The following GABRG3 variants were observed in gnomAD, a reference collection of about 807,000 sequenced individuals.
The protein encoded by GABRG3 is gamma-aminobutyric acid receptor subunit gamma-3.
Under a neutral mutation model 48.8 loss-of-function variants are expected in GABRG3, and 25 were observed. The observed-to-expected ratio is 0.51, with a 90% CI of 0.37 to 0.72. The LOEUF (loss-of-function observed/expected upper bound fraction) is 0.72, where lower values mean the gene tolerates loss of function less well. Among genes scored for constraint, GABRG3 ranks in the 30% least tolerant of loss-of-function variants. The pLI, the probability that GABRG3 is intolerant of heterozygous loss-of-function variation, is 0.00. For synonymous variants in GABRG3, 227 were observed against 217.6 expected, an observed-to-expected ratio of 1.04 and a Z score of -0.38; for missense variants, 394 against 577.9, an observed-to-expected ratio of 0.68 and a Z score of 3.26.
chr15:27,106,870 G>A (rs1037870168), intron 3 of GABRG3, among the ~76,000 whole-genome samples: 3 of 152,050 alleles, frequency 2.0e-5, no homozygotes, highest in Admixed American at 1.3e-4. Flanking sequence ...ACTCTATCAG[G>A]GTTCAATAAA....
At chr15:27,262,768 GTC>G (rs1414483218) in intron 3 of GABRG3, among the ~76,000 whole-genome samples, 1 of 152,158 alleles carries the variant, frequency 6.6e-6, no homozygotes, top group Admixed American at 6.5e-5. Context: ...TATATGCCTT[GTC>G]TCTGTTTCTT....
intron 3 of GABRG3, among the ~76,000 whole-genome samples, chr15:27,285,934 CCTCT>C (rs1891596536): frequency 6.6e-6 from 1 of 152,160 alleles, no homozygotes. Context: ...ATCTCACTCA[CCTCT>C]CTATCAATGA....
intron 6 of GABRG3, among the ~76,000 whole-genome samples, chr15:27,517,244 A>C (rs1228977699): frequency 1.3e-5 from 2 of 151,482 alleles, no homozygotes; most frequent in African/African-American, 4.9e-5. Flanking sequence ...TGTGCCCAGC[A>C]CTGGGACTTT....
intron 3 of GABRG3, among the ~76,000 whole-genome samples, chr15:27,235,744 A>G (rs1041541205): frequency 6.6e-6 from 1 of 152,178 alleles, no homozygotes; most frequent in Non-Finnish European, 1.5e-5. Context: ...AGTTCAAAGA[A>G]ATATCTTAGA....
At chr15:27,023,496 A>G (rs1387523518) in intron 2 of GABRG3, among the ~76,000 whole-genome samples, 1 of 152,124 alleles carries the variant, frequency 6.6e-6, no homozygotes, top group African/African-American at 2.4e-5. Flanking sequence ...CTGGAAACCA[A>G]CATTGTACTT....
intron 3 of GABRG3, among the ~76,000 whole-genome samples, chr15:27,268,322 G>T (rs1195096269): frequency 6.6e-6 from 1 of 152,130 alleles, no homozygotes; most frequent in Non-Finnish European, 1.5e-5. Flanking sequence ...TTGTCATAAA[G>T]TTCTTTAAAA....
At chr15:27,155,903 T>A (rs1465580300) in intron 3 of GABRG3, among the ~76,000 whole-genome samples, 1 of 152,102 alleles carries the variant, frequency 6.6e-6, no homozygotes, top group Non-Finnish European at 1.5e-5. Context: ...TGTAGCCCAG[T>A]AAGGGTAGAA....
intron 5 of GABRG3, among the ~76,000 whole-genome samples, chr15:27,456,488 C>A (rs1051113062): frequency 5.3e-5 from 8 of 152,306 alleles, no homozygotes; most frequent in Non-Finnish European, 7.4e-5. Context: ...CCGGGAAGGA[C>A]CCGCAGAGGG....
At chr15:27,410,347 A>C (rs1024721898) in intron 5 of GABRG3, among the ~76,000 whole-genome samples, 2 of 152,124 alleles carry the variant, frequency 1.3e-5, no homozygotes, top group Admixed American at 1.3e-4. Context: ...AAGATACTAT[A>C]GTTTTTTTGT....
At chr15:27,313,948 TAGAA>T (rs1270491212) in intron 3 of GABRG3, among the ~76,000 whole-genome samples, 2 of 151,018 alleles carry the variant, frequency 1.3e-5, no homozygotes, top group Non-Finnish European at 3.0e-5. Flanking sequence ...CCAAAACTAG[TAGAA>T]GGAAGGAAAT....
At chr15:27,104,633 T>G (rs572562809) in intron 3 of GABRG3, among the ~76,000 whole-genome samples, 8 of 152,302 alleles carry the variant, frequency 5.3e-5, no homozygotes, top group African/African-American at 1.9e-4. Flanking sequence ...GCCTGTAACT[T>G]TTTCTTTTGC....
chr15:26,977,043 C>T lies in GABRG3; in HGVS notation c.95C>T (p.Ser32Leu). 6.2e-7 allele frequency: 1 copy of T among 1,613,872 alleles called. No homozygotes were observed. Among genetic ancestry groups the T allele is most frequent in the South Asian group, 1.1e-5 (1 of 91,074 alleles). ...VEEDEYEDSS[S>L]NQKWVLAPKS... The stretch of plus-strand genomic sequence containing the variant: ...GAGGATGAATATGAAGATTCATCAT[C>T]AAACCAAAAGTGGGTCTTGGCTCCA... Residue 32 changes from serine to leucine, a missense_variant, in exon 2 of 10, where the codon TCA becomes TTA. Physicochemically the swap from Ser to Leu is moderately radical, Grantham distance 145. This residue lies in a region of GABRG3 where 218 missense variants were observed against 309.9 expected (regional missense o/e 0.70). Coordinates refer to ENST00000615808, the MANE Select transcript of GABRG3 (RefSeq NM_033223.5).
chr15:27,256,241 G>T (rs530629428), intron 3 of GABRG3, among the ~76,000 whole-genome samples: 1 of 151,934 alleles, frequency 6.6e-6, no homozygotes, highest in African/African-American at 2.4e-5. Context: ...AGGAGATCAA[G>T]ACCATCCTGG....
intron 5 of GABRG3, among the ~76,000 whole-genome samples, chr15:27,339,985 C>T (rs1439911112): frequency 6.6e-6 from 1 of 152,040 alleles, no homozygotes; most frequent in African/African-American, 2.4e-5. Context: ...GCTGGGGAGG[C>T]GAGCAGTGAG....
intron 3 of GABRG3, among the ~76,000 whole-genome samples, chr15:27,208,958 G>A (rs1888974650): frequency 6.6e-6 from 1 of 152,148 alleles, no homozygotes; most frequent in South Asian, 2.1e-4. Context: ...GAAGAAAAAA[G>A]AGAGCAAGAA....
chr15:27,085,663 A>T (rs1469546102), intron 3 of GABRG3, among the ~76,000 whole-genome samples: 1 of 152,238 alleles, frequency 6.6e-6, no homozygotes, highest in Non-Finnish European at 1.5e-5. Flanking sequence ...GGTGATCAAT[A>T]ACAAACTTTT....
rs143235248 is a variant in GABRG3, at chr15:27,378,333, T to C, written c.574+49445T>C. On this transcript the variant is annotated intron_variant, in intron 5 of 9. Coordinates refer to ENST00000615808, the MANE Select transcript of GABRG3 (RefSeq NM_033223.5). ...ATCACTCAATTTCCTCCTCTGCTTC[T>C]CCTGTGGGCTAGAGTAGGCCCAGAT... Among the ~76,000 whole-genome samples, 777 of 152,316 alleles carry C rather than the reference T, an allele frequency of 5.1e-3. 4 individuals are homozygous for C. The highest frequency in any genetic ancestry group is 0.017 in the African/African-American group (710 of 41,574).
At chr15:27,407,280 T>C (rs1479170390) in intron 5 of GABRG3, among the ~76,000 whole-genome samples, 1 of 152,086 alleles carries the variant, frequency 6.6e-6, no homozygotes, top group Non-Finnish European at 1.5e-5. Flanking sequence ...ACACACCTAC[T>C]GGAATGGGCA....
intron 5 of GABRG3, among the ~76,000 whole-genome samples, chr15:27,366,762 G>C (rs1895215011): frequency 1.3e-5 from 2 of 152,118 alleles, no homozygotes; most frequent in Non-Finnish European, 2.9e-5. Flanking sequence ...CTGTAGACCT[G>C]TATGGCTGCT....
Sources: allele counts gnomAD v4.1 joint callset (sites outside exome capture counted in the v4.1 genomes callset), GRCh38; gene constraint gnomAD v4.1.1; regional missense constraint gnomAD v4.1.1; transcripts MANE v1.5; gene names NCBI Gene and HGNC (gene_info 2026-07-23, HGNC 2026-07-21).